INPP4B: variants seen among roughly 807,000 people sequenced by gnomAD.
INPP4B encodes the protein inositol polyphosphate-4-phosphatase type II B.
Under a neutral mutation model 122.5 loss-of-function variants are expected in INPP4B, and 55 were observed. The ratio of observed to expected loss-of-function variants is 0.45; its 90% CI spans 0.36 to 0.56. INPP4B has a LOEUF of 0.56. Among genes scored for constraint, INPP4B ranks in the 20% least tolerant of loss-of-function variants. INPP4B has a pLI of 0.00. For missense variants in INPP4B, 1,000 were observed against 1,097.7 expected (o/e 0.91, Z 1.26); for synonymous variants, 403 against 388.7 (o/e 1.04, Z -0.43).
intron 1 of INPP4B, among the ~76,000 whole-genome samples, chr4:142,835,604 AT>A (rs1254924496): frequency 1.3e-4 from 20 of 152,192 alleles, no homozygotes; most frequent in Admixed American, 1.3e-4. Flanking sequence ...AAAGTCTATT[AT>A]TTTAGGGATA....
intron 1 of INPP4B, among the ~76,000 whole-genome samples, chr4:142,730,163 C>T (rs537690346): frequency 5.5e-4 from 83 of 152,210 alleles, no homozygotes; most frequent in African/African-American, 1.9e-3. Flanking sequence ...GGATTGGAAA[C>T]GTAGGAGGTA....
intron 2 of INPP4B, among the ~76,000 whole-genome samples, chr4:142,611,345 T>G (rs1742451609): frequency 1.3e-5 from 2 of 152,274 alleles, no homozygotes; most frequent in African/African-American, 4.8e-5. Context: ...CGATGTGAGA[T>G]CTGGGCAAGG....
chr4:142,512,890 A>G (rs1824923146), intron 2 of INPP4B, among the ~76,000 whole-genome samples: 1 of 152,110 alleles, frequency 6.6e-6, no homozygotes, highest in Admixed American at 6.6e-5. Flanking sequence ...ATTACCCAAA[A>G]CCCACCACCA....
At chr4:142,374,644 A>G (rs1791168543) in intron 7 of INPP4B, among the ~76,000 whole-genome samples, 2 of 151,908 alleles carry the variant, frequency 1.3e-5, no homozygotes, top group African/African-American at 4.8e-5. Context: ...TATTGTTATT[A>G]ATGTTAAGAA....
intron 25 of INPP4B, among the ~76,000 whole-genome samples, chr4:142,040,413 C>T (rs1366744870): frequency 6.6e-6 from 1 of 152,132 alleles, no homozygotes. Flanking sequence ...ATGACTGATA[C>T]AGAAAAGTCT....
chr4:142,783,102 G>A (rs1355675606), intron 1 of INPP4B, among the ~76,000 whole-genome samples: 1 of 151,944 alleles, frequency 6.6e-6, no homozygotes, highest in Non-Finnish European at 1.5e-5. Context: ...ACATAGGCAT[G>A]GGCAAGGACT....
At chr4:142,511,176 T>A (rs915735127) in intron 2 of INPP4B, among the ~76,000 whole-genome samples, 2 of 152,174 alleles carry the variant, frequency 1.3e-5, no homozygotes, top group African/African-American at 4.8e-5. Context: ...TTTTTTTCAA[T>A]TTTATTCTAA....
intron 1 of INPP4B, among the ~76,000 whole-genome samples, chr4:142,783,103 G>A (rs1775149306): frequency 6.6e-6 from 1 of 151,902 alleles, no homozygotes; most frequent in Non-Finnish European, 1.5e-5. Flanking sequence ...CATAGGCATG[G>A]GCAAGGACTT....
chr4:142,773,191 A>C (rs779339275), intron 1 of INPP4B, among the ~76,000 whole-genome samples: 17 of 152,166 alleles, frequency 1.1e-4, no homozygotes, highest in Non-Finnish European at 7.4e-5. Flanking sequence ...CCTAGACTAG[A>C]GATAAGGAAG....
chr4:142,163,602 A>G (rs1401144090), intron 16 of INPP4B, among the ~76,000 whole-genome samples: 1 of 151,860 alleles, frequency 6.6e-6, no homozygotes, highest in Non-Finnish European at 1.5e-5. Flanking sequence ...AATTGTTTTG[A>G]TTATTAGCTC....
At position 142,796,122 on chromosome 4, in the gene INPP4B, C is replaced by T. The variant is rs186887562; in HGVS notation, c.-254+50087G>A. ...ATGTGAGGATCTTGAAGATAATCAT[C>T]GTTCTACATGCATCTTCTCATAGGT... On this transcript the variant is annotated intron_variant, in intron 1 of 25. Transcript: ENST00000262992. 3.1e-4 allele frequency among the ~76,000 whole-genome samples: 47 copies of T among 152,072 alleles called. 1 individual carries two copies. Among genetic ancestry groups the T allele is most frequent in the Admixed American group, 2.2e-3 (34 of 15,230 alleles).
intron 16 of INPP4B, among the ~76,000 whole-genome samples, chr4:142,163,175 G>T (rs1034584142): frequency 6.6e-6 from 1 of 151,558 alleles, no homozygotes; most frequent in Admixed American, 6.6e-5. Flanking sequence ...GTCAACCTTG[G>T]TCTGAAAATA....
intron 18 of INPP4B, 95 bp downstream of exon 18, chr4:142,145,745 T>C (rs967295130): frequency 5.8e-5 from 71 of 1,213,856 alleles, no homozygotes; most frequent in Non-Finnish European, 8.3e-5. Context: ...TCATCAAAGA[T>C]ACTATTGACT....
chr4:142,641,455 T>A (rs890705491), intron 2 of INPP4B, among the ~76,000 whole-genome samples: 1 of 140,320 alleles, frequency 7.1e-6, no homozygotes, highest in Admixed American at 7.1e-5. Flanking sequence ...TTGTGTGATG[T>A]TTCCTTTCCT....
intron 2 of INPP4B, among the ~76,000 whole-genome samples, chr4:142,624,449 T>C (rs1399888070): frequency 1.3e-5 from 2 of 151,994 alleles, no homozygotes; most frequent in Non-Finnish European, 2.9e-5. Flanking sequence ...TTTGAGTTCA[T>C]TGTAGATGCT....
At chr4:142,720,803 C>CTATATATATATA (rs1274255676) in intron 2 of INPP4B, among the ~76,000 whole-genome samples, 12 of 18,630 alleles carry the variant, frequency 6.4e-4, no homozygotes, top group Admixed American at 1.2e-3. Context: ...CTCTCTCTCT[C>CTATATATATATA]TCTCTCTATA....
chr4:142,360,612 C>T (rs2148530767), intron 7 of INPP4B, among the ~76,000 whole-genome samples: 1 of 152,016 alleles, frequency 6.6e-6, no homozygotes, highest in African/African-American at 2.4e-5. Context: ...GAATTTGGGT[C>T]ATTTCAGGGA....
chr4:142,193,258 G>A, intron 14 of INPP4B, 63 bp from the exon 15 acceptor site: 1 of 900,092 alleles, frequency 1.1e-6, no homozygotes, highest in South Asian at 1.4e-5. Flanking sequence ...CATGCTGTTT[G>A]CATTGAAGCA....
At chr4:142,203,486 A>G (rs2149470264) in intron 14 of INPP4B, among the ~76,000 whole-genome samples, 1 of 152,208 alleles carries the variant, frequency 6.6e-6, no homozygotes, top group East Asian at 1.9e-4. Flanking sequence ...AAATTTATTA[A>G]AGTATATTAG....
Sources: allele counts gnomAD v4.1 joint callset (sites outside exome capture counted in the v4.1 genomes callset), GRCh38; gene constraint gnomAD v4.1.1; transcripts MANE v1.5; gene names NCBI Gene and HGNC (gene_info 2026-07-23, HGNC 2026-07-21).